NPAS3: variants seen among roughly 807,000 people sequenced by gnomAD.
NPAS3 encodes neuronal PAS domain protein 3.
A neutral mutation model predicts 73.1 loss-of-function variants in NPAS3; 14 were observed. The observed-to-expected ratio is 0.19, with a 90% confidence interval of 0.13 to 0.30. The LOEUF (loss-of-function observed/expected upper bound fraction) is 0.30, where lower values mean the gene tolerates loss of function less well. NPAS3 is among the 10% of genes least tolerant of loss of function. The pLI, the probability that NPAS3 is intolerant of heterozygous loss-of-function variation, is 1.00. For synonymous variants in NPAS3, 620 were observed against 541.5 expected, an observed-to-expected ratio of 1.14 and a Z score of -2.01; for missense variants, 1,096 against 1,250.0, an observed-to-expected ratio of 0.88 and a Z score of 1.86.
intron 1 of NPAS3, among the ~76,000 whole-genome samples, chr14:32,974,958 T>C (rs570323009): frequency 7.2e-5 from 11 of 152,270 alleles, no homozygotes; most frequent in Non-Finnish European, 1.6e-4. Flanking sequence ...AGAATAAATA[T>C]AGAGTATCTG....
intron 4 of NPAS3, among the ~76,000 whole-genome samples, chr14:33,396,451 A>G: frequency 6.6e-6 from 1 of 152,142 alleles, no homozygotes. Context: ...TCCTCAATCC[A>G]TTAAGTTTTA....
chr14:33,240,929 T>C (rs747077930), intron 3 of NPAS3, among the ~76,000 whole-genome samples: 1 of 151,892 alleles, frequency 6.6e-6, no homozygotes, highest in Non-Finnish European at 1.5e-5. Flanking sequence ...TTAATTGCCA[T>C]TTGTGAATAT....
intron 1 of NPAS3, among the ~76,000 whole-genome samples, chr14:32,995,085 A>G (rs2038510659): frequency 6.6e-6 from 1 of 152,210 alleles, no homozygotes; most frequent in Non-Finnish European, 1.5e-5. Flanking sequence ...TTTTAGTAGG[A>G]AACTGAAGCT....
chr14:33,710,468 G>A lies in NPAS3; in HGVS notation c.734-24746G>A, dbSNP rs146460585. ...ACTGGAACCTCAGCAAAGTGTGGGT[G>A]TTGAAATCACCAAAATAATGATCAA... On this transcript the variant is annotated intron_variant, in intron 6 of 11. Transcript: ENST00000356141. Among the ~76,000 whole-genome samples, 308 of 152,328 alleles carry A rather than the reference G, an allele frequency of 2.0e-3. 1 individual carries two copies. The highest frequency in any genetic ancestry group is 7.0e-3 in the African/African-American group (290 of 41,572).
intron 2 of NPAS3, among the ~76,000 whole-genome samples, chr14:33,148,075 G>A (rs191351910): frequency 3.9e-5 from 6 of 151,992 alleles, no homozygotes; most frequent in African/African-American, 1.4e-4. Context: ...TATTAATTTC[G>A]TGCCCTTGCT....
chr14:33,736,506 A>G (rs2061527427), intron 7 of NPAS3, among the ~76,000 whole-genome samples: 1 of 152,150 alleles, frequency 6.6e-6, no homozygotes, highest in African/African-American at 2.4e-5. Context: ...GGCTTCTTAC[A>G]AAGGAGTGTG....
intron 3 of NPAS3, among the ~76,000 whole-genome samples, chr14:33,358,890 C>T (rs1481774416): frequency 6.6e-6 from 1 of 152,210 alleles, no homozygotes. Flanking sequence ...GGCTTCACTA[C>T]ATTTTGGATG....
chr14:33,062,636 C>T lies in NPAS3; in HGVS notation c.140+6642C>T, dbSNP rs569645522. Among the ~76,000 whole-genome samples the T allele has an allele frequency of 1.1e-3, 166 of 152,316 alleles. 1 individual carries two copies. Among genetic ancestry groups the T allele is most frequent in the African/African-American group, 3.7e-3 (153 of 41,578 alleles). On this transcript the variant is annotated intron_variant, in intron 2 of 11. Coordinates refer to ENST00000356141, the Ensembl canonical transcript of NPAS3. ...AAAAAATAATTGGTTGGTGACACAC[C>T]TGCAGTGTGCATGTGACCTCTAGAA...
At chr14:33,589,388 C>T (rs1205737298) in intron 5 of NPAS3, among the ~76,000 whole-genome samples, 1 of 152,140 alleles carries the variant, frequency 6.6e-6, no homozygotes, top group Non-Finnish European at 1.5e-5. Context: ...GGTAAAAAAG[C>T]ACCTCCCTTC....
intron 6 of NPAS3, among the ~76,000 whole-genome samples, chr14:33,730,494 A>G (rs1279681051): frequency 6.6e-6 from 1 of 152,204 alleles, no homozygotes; most frequent in Non-Finnish European, 1.5e-5. Context: ...TCCAAGACTC[A>G]GGCTGGTGAA....
At chr14:33,357,761 G>A (rs1315138) in intron 3 of NPAS3, among the ~76,000 whole-genome samples, 19,101 of 152,212 alleles carry the variant, frequency 0.13, 1,251 homozygotes, top group East Asian at 0.16. Flanking sequence ...TTGGGAAGGT[G>A]ACTTGCTAGT....
intron 2 of NPAS3, among the ~76,000 whole-genome samples, chr14:33,076,827 A>G (rs559840786): frequency 9.2e-5 from 14 of 152,374 alleles, no homozygotes; most frequent in African/African-American, 2.4e-4. Flanking sequence ...AGCTGAATAT[A>G]TATGACAGAA....
chr14:33,323,392 C>G (rs564007855), intron 3 of NPAS3, among the ~76,000 whole-genome samples: 33 of 152,264 alleles, frequency 2.2e-4, no homozygotes, highest in African/African-American at 7.7e-4. Flanking sequence ...TTAAGAATGT[C>G]AAATAAGTAG....
chr14:33,802,138 T>G (rs1276505482), downstream of NPAS3: 1 of 152,178 alleles, frequency 6.6e-6, no homozygotes, highest in African/African-American at 2.4e-5. Flanking sequence ...CTGAGGCTAA[T>G]TTTGCAACTT....
intron 4 of NPAS3, among the ~76,000 whole-genome samples, chr14:33,492,340 A>G (rs2051942804): frequency 6.6e-6 from 1 of 152,150 alleles, no homozygotes; most frequent in Non-Finnish European, 1.5e-5. Flanking sequence ...TTGACACACA[A>G]TCAAGCCTGA....
chr14:33,573,021 C>CAAAA (rs1172844613), intron 5 of NPAS3, among the ~76,000 whole-genome samples: 615 of 61,442 alleles, frequency 0.01, 15 homozygotes, highest in African/African-American at 0.022. Context: ...GACTTCTTCT[C>CAAAA]AAAAAAAAAA....
intron 5 of NPAS3, among the ~76,000 whole-genome samples, chr14:33,565,331 C>T (rs903664229): frequency 2.6e-5 from 4 of 152,134 alleles, no homozygotes; most frequent in African/African-American, 9.7e-5. Flanking sequence ...AAATAAATGA[C>T]AGAGCTCAGT....
At chr14:33,422,175 T>A (rs566348060) in intron 4 of NPAS3, among the ~76,000 whole-genome samples, 3 of 151,930 alleles carry the variant, frequency 2.0e-5, no homozygotes, top group Admixed American at 6.6e-5. Context: ...ATTTCACACA[T>A]TGTCAGTTCT....
intron 6 of NPAS3, chr14:33,680,932 T>TATGA (rs2140358354): frequency 2.5e-6 from 1 of 394,820 alleles, no homozygotes; most frequent in Non-Finnish European, 4.5e-6. Flanking sequence ...ATTATAGTAG[T>TATGA]ATGATTTTTA....
Sources: allele counts gnomAD v4.1 joint callset (sites outside exome capture counted in the v4.1 genomes callset), GRCh38; gene constraint gnomAD v4.1.1; transcripts MANE v1.5; gene names NCBI Gene and HGNC (gene_info 2026-07-23, HGNC 2026-07-21).